SUCLG2: variants seen among roughly 807,000 people sequenced by gnomAD.
The protein encoded by SUCLG2 is succinate-CoA ligase GDP-forming subunit beta.
A neutral mutation model predicts 47.9 loss-of-function variants in SUCLG2; 42 were observed. The ratio of observed to expected loss-of-function variants is 0.88; its 90% CI spans 0.69 to 1.14. SUCLG2 has a LOEUF of 1.14. Ranked by LOEUF, SUCLG2 falls within the 50% of genes most tolerant of loss-of-function variation. The probability of loss-of-function intolerance (pLI) is 0.00; values close to 1 mark genes in which losing one functional copy is unlikely to be tolerated. For missense variants in SUCLG2, 571 were observed against 525.9 expected (o/e 1.09, Z -0.84); for synonymous variants, 195 against 197.3 (o/e 0.99, Z 0.10).
intron 9 of SUCLG2, among the ~76,000 whole-genome samples, chr3:67,420,880 T>C (rs373927636): frequency 2.6e-5 from 4 of 152,322 alleles, no homozygotes; most frequent in African/African-American, 9.6e-5. Flanking sequence ...ACTGTCATCT[T>C]TTCCTTTCCC....
intron 9 of SUCLG2, among the ~76,000 whole-genome samples, chr3:67,474,324 T>C (rs970309721): frequency 6.6e-6 from 1 of 152,118 alleles, no homozygotes; most frequent in Non-Finnish European, 1.5e-5. Context: ...TAGAGCTTAA[T>C]TTCTATATAT....
chr3:67,375,771 C>A lies in SUCLG2; in HGVS notation c.1272G>T (p.Lys424Asn). The A allele has an allele frequency of 6.2e-7, 1 of 1,613,734 alleles. No individual in the cohort carries two copies. The highest frequency in any genetic ancestry group is 1.3e-5 in the African/African-American group (1 of 75,024). ...ACTTCTTGGCCACACTGGCCACAGC[C>A]TTCTTGGCTGCATCCTCCAGGTCAA... ...SAIDLEDAAK[K>N]AVASVAKK The change falls in exon 11 of 11, where the codon AAG becomes AAT. Residue 424 changes from lysine to asparagine, a missense_variant. Transcript: ENST00000307227.
chr3:67,600,852 G>T (rs190568223), intron 2 of SUCLG2, among the ~76,000 whole-genome samples: 23 of 152,296 alleles, frequency 1.5e-4, no homozygotes, highest in Admixed American at 4.6e-4. Flanking sequence ...AACAAAAGGA[G>T]CCTGGGTTCC....
chr3:67,538,078 G>A (rs1214535113), intron 2 of SUCLG2, among the ~76,000 whole-genome samples: 1 of 152,134 alleles, frequency 6.6e-6, no homozygotes, highest in Admixed American at 6.6e-5. Context: ...AGTTTAATTA[G>A]AGCCCATTTT....
At chr3:67,444,144 T>G (rs1703858292) in intron 9 of SUCLG2, among the ~76,000 whole-genome samples, 1 of 47,788 alleles carries the variant, frequency 2.1e-5, no homozygotes, top group African/African-American at 6.7e-5. Flanking sequence ...AGCCGTGCCG[T>G]CCGGGAGGGA....
downstream of SUCLG2, among the ~76,000 whole-genome samples, chr3:67,372,291 A>C (rs1701965860): frequency 1.3e-5 from 2 of 152,204 alleles, no homozygotes; most frequent in Non-Finnish European, 2.9e-5. Flanking sequence ...ATTAACTACG[A>C]AACTCAAGAG....
In SUCLG2 at chr3:67,406,987, A is replaced by G. The variant is rs1702827618; in HGVS notation, c.1063-6136T>C. 2.6e-5 allele frequency among the ~76,000 whole-genome samples: 4 copies of G among 152,170 alleles called. No individual in the cohort carries two copies. In the South Asian group the frequency reaches 8.3e-4, roughly 32 times the overall value. ...GGCAGTTAGGAATAGCTGGATAATG[A>G]TAAAGGAGCCACTGACATTCACCAG... On this transcript the variant is annotated intron_variant, in intron 9 of 10. Transcript: ENST00000307227.
intron 9 of SUCLG2, among the ~76,000 whole-genome samples, chr3:67,438,353 T>G (rs1193161234): frequency 6.6e-6 from 1 of 151,800 alleles, no homozygotes; most frequent in Non-Finnish European, 1.5e-5. Context: ...ATTCAAAAGG[T>G]AGCAGAAAAC....
In SUCLG2 at chr3:67,474,395, T is replaced by A. The variant is rs941842146; in HGVS notation, c.1062+21403A>T. Reference sequence around the variant, plus strand: ...AAATAATGCCCCCAAATGAAGCTTATTTGCTACTTTTTCGCCGGTCTCATT... The same window carrying A: ...AAATAATGCCCCCAAATGAAGCTTAATTGCTACTTTTTCGCCGGTCTCATT... On this transcript the variant is annotated intron_variant, in intron 9 of 10. Transcript: ENST00000307227. Among the ~76,000 whole-genome samples the A allele has an allele frequency of 7.2e-5, 11 of 152,296 alleles. No homozygotes were observed. The East Asian group carries it at 1.9e-3, about 27-fold the overall frequency.
intron 10 of SUCLG2, among the ~76,000 whole-genome samples, chr3:67,392,190 C>T (rs1702403074): frequency 6.6e-6 from 1 of 152,154 alleles, no homozygotes; most frequent in African/African-American, 2.4e-5. Context: ...TGGACATGTC[C>T]TTACTAGGAC....
chr3:67,394,049 A>T (rs1181259728), intron 10 of SUCLG2, among the ~76,000 whole-genome samples: 1 of 152,162 alleles, frequency 6.6e-6, no homozygotes, highest in Admixed American at 6.5e-5. Flanking sequence ...GACAAAAAGT[A>T]GATAAAACCA....
intron 9 of SUCLG2, among the ~76,000 whole-genome samples, chr3:67,423,462 T>C (rs1703221749): frequency 6.6e-6 from 1 of 152,168 alleles, no homozygotes; most frequent in South Asian, 2.1e-4. Context: ...AATGTTTCCA[T>C]TACAGGGCTA....
At chr3:67,471,145 G>C (rs1704595843) in intron 9 of SUCLG2, among the ~76,000 whole-genome samples, 1 of 152,210 alleles carries the variant, frequency 6.6e-6, no homozygotes, top group Non-Finnish European at 1.5e-5. Flanking sequence ...AGATAAGAAA[G>C]AGTTATTGGA....
At chr3:67,613,581 G>C (rs1700571429) in intron 1 of SUCLG2, among the ~76,000 whole-genome samples, 2 of 152,168 alleles carry the variant, frequency 1.3e-5, no homozygotes, top group African/African-American at 4.8e-5. Flanking sequence ...CCAGGGACCA[G>C]AATAAGGATG....
intron 10 of SUCLG2, among the ~76,000 whole-genome samples, chr3:67,369,170 A>ATT (rs1701918187): frequency 6.6e-6 from 1 of 151,948 alleles, no homozygotes; most frequent in South Asian, 2.1e-4. Flanking sequence ...TTATGTCAGT[A>ATT]TTTGATCACC....
At chr3:67,441,020 C>T (rs990534832) in intron 9 of SUCLG2, among the ~76,000 whole-genome samples, 1 of 152,186 alleles carries the variant, frequency 6.6e-6, no homozygotes, top group Non-Finnish European at 1.5e-5. Context: ...AAATGTGGCA[C>T]ACATACACCA....
At position 67,575,006 on chromosome 3, in the gene SUCLG2, C is replaced by T. The variant is rs191269473; in HGVS notation, c.226+34449G>A. ...ATAAATTAAAACCACAGTGAAATAT[C>T]ACTCTCTACCTACTACAGTAGTTAA... On this transcript the variant is annotated intron_variant, in intron 2 of 10. Coordinates refer to ENST00000307227, the MANE Select transcript of SUCLG2 (RefSeq NM_003848.4). Among the ~76,000 whole-genome samples the T allele has an allele frequency of 1.8e-4, 28 of 152,306 alleles. 1 individual carries two copies. In the East Asian group the frequency reaches 3.5e-3, roughly 19 times the overall value.
At chr3:67,547,386 G>A (rs889563224) in intron 2 of SUCLG2, among the ~76,000 whole-genome samples, 1 of 152,174 alleles carries the variant, frequency 6.6e-6, no homozygotes, top group East Asian at 1.9e-4. Flanking sequence ...AACACATAGT[G>A]TTTTACTCTA....
intron 1 of SUCLG2, among the ~76,000 whole-genome samples, chr3:67,613,518 C>G (rs1700569786): frequency 6.6e-6 from 1 of 152,136 alleles, no homozygotes; most frequent in Non-Finnish European, 1.5e-5. Context: ...TCGAAGTTTG[C>G]CCTCTCTAGA....
Sources: allele counts gnomAD v4.1 joint callset (sites outside exome capture counted in the v4.1 genomes callset), GRCh38; gene constraint gnomAD v4.1.1; transcripts MANE v1.5; gene names NCBI Gene and HGNC (gene_info 2026-07-23, HGNC 2026-07-21).